SPANXN2: variants seen among roughly 807,000 people sequenced by gnomAD.
The protein encoded by SPANXN2 is sperm protein associated with the nucleus on the X chromosome N2.
SPANXN2 carries 1 observed loss-of-function variant against 2.0 expected under a neutral mutation model. That is an observed-to-expected ratio of 0.50 (90% CI 0.18 to 2.36). SPANXN2 has a LOEUF of 2.36. SPANXN2 is among the 30% of genes most tolerant of loss of function. The pLI is 0.26. For synonymous variants in SPANXN2, 43 were observed against 49.8 expected, an observed-to-expected ratio of 0.86 and a Z score of 0.58; for missense variants, 88 against 116.7, an observed-to-expected ratio of 0.75 and a Z score of 1.13.
intron 1 of SPANXN2, among the ~76,000 whole-genome samples, chrX:143,717,942 T>G (rs1391073089): frequency 1.2e-4 from 13 of 111,810 alleles, no homozygotes; most frequent in Admixed American, 1.1e-3. Context: ...ACACCATCGC[T>G]TCTATTCTCT....
At chrX:143,720,029 C>T (rs1556450632) in intron 1 of SPANXN2, among the ~76,000 whole-genome samples, 1 of 111,059 alleles carries the variant, frequency 9.0e-6, no homozygotes, top group Non-Finnish European at 1.9e-5. Flanking sequence ...GTCCGTCACC[C>T]CCTGCTTCAA....
intron 1 of SPANXN2, among the ~76,000 whole-genome samples, chrX:143,713,888 C>CCT (rs782021002): frequency 5.1e-4 from 18 of 35,090 alleles, no homozygotes; most frequent in African/African-American, 1.5e-3. Context: ...TCCTTTCATG[C>CCT]CTCACTCTCT....
In SPANXN2 at chrX:143,714,700, C is replaced by T. The variant is rs1158019904; in HGVS notation, c.79-2201G>A. Among the ~76,000 whole-genome samples, 3 of 111,939 alleles carry T rather than the reference C, an allele frequency of 2.7e-5. No individual in the cohort carries two copies. In the East Asian group the frequency reaches 8.4e-4, roughly 31 times the overall value. ...CTAATACCAATAAGGGCAAAAACTA[C>T]CTCCATTTATACTTTATCTCCCAGT... On this transcript the variant is annotated intron_variant, in intron 1 of 1. Transcript: ENST00000598475.
intron 1 of SPANXN2, among the ~76,000 whole-genome samples, chrX:143,718,207 C>A (rs1440316171): frequency 2.7e-5 from 3 of 111,767 alleles, no homozygotes; most frequent in African/African-American, 9.8e-5. Flanking sequence ...TTCCTAAAAG[C>A]GCTCAGCCTA....
At chrX:143,713,896 T>A (rs1308693057) in intron 1 of SPANXN2, among the ~76,000 whole-genome samples, 1 of 8,634 alleles carries the variant, frequency 1.2e-4, no homozygotes, top group East Asian at 0.018. Flanking sequence ...TGCCTCACTC[T>A]CTCTCTCTCT....
rs1556448568 is a variant in SPANXN2, at chrX:143,712,465, T to G, written c.113A>C (p.Lys38Thr). 4 of 1,210,395 alleles carry G rather than the reference T, an allele frequency of 3.3e-6. No individual in the cohort carries two copies. The South Asian group carries it at 7.0e-5, about 21-fold the overall frequency. The change falls in exon 2 of 2, where the codon AAA becomes ACA. Residue 38 changes from lysine to threonine, a missense_variant. By Grantham distance (78) the Lys-to-Thr change is moderately conservative. Transcript: ENST00000598475. ...TGTTTTTGTCTTTTGCAAGCTCTGT[T>G]TGGGGGCTAAGACCCTGTTCGGTGC...
chrX:143,712,498 A>G (rs781994852), exon 2 of SPANXN2: 19 of 1,203,948 alleles, frequency 1.6e-5, no homozygotes, highest in Non-Finnish European at 2.0e-5. Flanking sequence ...TGCCTCCTGC[A>G]TCTGATAAGA....
At chrX:143,717,446 G>T (rs1556450037) in intron 1 of SPANXN2, among the ~76,000 whole-genome samples, 1 of 111,178 alleles carries the variant, frequency 9.0e-6, no homozygotes, top group African/African-American at 3.3e-5. Context: ...CAGCCTGGCA[G>T]GCAGCCCTTA....
exon 1 of SPANXN2, chrX:143,720,657 C>T (rs77216923): frequency 1.2e-5 from 15 of 1,208,457 alleles, no homozygotes; most frequent in Middle Eastern, 2.3e-4. Context: ...TGCTTGAAGT[C>T]GGCTGTTCCA....
At chrX:143,718,793 T>G (rs782284332) in intron 1 of SPANXN2, among the ~76,000 whole-genome samples, 59 of 111,430 alleles carry the variant, frequency 5.3e-4, no homozygotes, top group Admixed American at 9.5e-4. Flanking sequence ...CAAGGAGATA[T>G]GACTTCAGGG....
At chrX:143,715,312 C>CACAG (rs1932239863) in intron 1 of SPANXN2, among the ~76,000 whole-genome samples, 2 of 108,393 alleles carry the variant, frequency 1.8e-5, no homozygotes, top group African/African-American at 6.8e-5. Context: ...CCCCTCTAGG[C>CACAG]ACAGACTGGT....
At chrX:143,716,725 T>C (rs1327249080) in intron 1 of SPANXN2, among the ~76,000 whole-genome samples, 1 of 112,040 alleles carries the variant, frequency 8.9e-6, no homozygotes, top group South Asian at 3.7e-4. Context: ...ATGGCCACAT[T>C]GCTGGCCTTA....
At chrX:143,718,893 G>C (rs1425511003) in intron 1 of SPANXN2, among the ~76,000 whole-genome samples, 95 of 110,597 alleles carry the variant, frequency 8.6e-4, no homozygotes, top group African/African-American at 3.0e-3. Flanking sequence ...CACCCCGAAC[G>C]TCTAACAGAT....
chrX:143,712,739 T>C (rs1193616316), intron 1 of SPANXN2, among the ~76,000 whole-genome samples: 1 of 111,322 alleles, frequency 9.0e-6, no homozygotes, highest in East Asian at 2.9e-4. Context: ...TTGCAGACCT[T>C]GGTCAAAGTG....
intron 1 of SPANXN2, among the ~76,000 whole-genome samples, chrX:143,713,892 ACTCTCTCTCTCT>A (rs58045166): frequency 1.3e-3 from 114 of 87,506 alleles, no homozygotes; most frequent in Admixed American, 2.1e-3. Context: ...TTCATGCCTC[ACTCTCTCTCTCT>A]CTCTCTCTCT....
At chrX:143,719,078 C>G (rs1556450432) in intron 1 of SPANXN2, among the ~76,000 whole-genome samples, 1 of 111,285 alleles carries the variant, frequency 9.0e-6, no homozygotes, top group East Asian at 2.8e-4. Flanking sequence ...CCAATTCATT[C>G]GCAAAACCTG....
At chrX:143,719,215 G>A (rs782322735) in intron 1 of SPANXN2, among the ~76,000 whole-genome samples, 12 of 110,572 alleles carry the variant, frequency 1.1e-4, no homozygotes, top group African/African-American at 3.6e-4. Flanking sequence ...GTTACCAGTC[G>A]GATTCCAGAA....
intron 1 of SPANXN2, among the ~76,000 whole-genome samples, chrX:143,716,705 A>C (rs1932272605): frequency 8.9e-6 from 1 of 111,756 alleles, no homozygotes; most frequent in Non-Finnish European, 1.9e-5. Flanking sequence ...TCTGACTAAA[A>C]ATCTTGGGTA....
At chrX:143,716,254 A>G (rs1206244771) in intron 1 of SPANXN2, among the ~76,000 whole-genome samples, 1 of 111,158 alleles carries the variant, frequency 9.0e-6, no homozygotes, top group Non-Finnish European at 1.9e-5. Context: ...CAGGTACCCA[A>G]ATCAAAGTTA....
Sources: allele counts gnomAD v4.1 joint callset (sites outside exome capture counted in the v4.1 genomes callset), GRCh38; gene constraint gnomAD v4.1.1; transcripts MANE v1.5; gene names NCBI Gene and HGNC (gene_info 2026-07-23, HGNC 2026-07-21).